Variants in EP300 observed in about 807,000 individuals in gnomAD.
EP300 encodes EP300 lysine acetyltransferase, also known as histone acetyltransferase p300.
Under a neutral mutation model 264.0 loss-of-function variants are expected in EP300, and 31 were observed. The observed-to-expected ratio is 0.12, with a 90% CI of 0.09 to 0.16. The LOEUF is 0.16. Among genes scored for constraint, EP300 ranks in the 10% least tolerant of loss-of-function variants. The pLI is 1.00. For missense variants in EP300, 2,766 were observed against 3,052.9 expected, an observed-to-expected ratio of 0.91 and a Z score of 2.21; for synonymous variants, 1,340 against 1,045.4, an observed-to-expected ratio of 1.28 and a Z score of -5.44.
Position 41,093,168 on chromosome 22 carries a change from CA to C in EP300, c.94+71del. The C allele has an allele frequency of 2.0e-6, 3 of 1,484,300 alleles. No individual in the cohort carries two copies. The East Asian group carries it at 6.8e-5, about 34-fold the overall frequency. The allele number at this position is 1,484,300 out of a possible 1,614,324, so 91.9% of individuals were successfully genotyped here. On this transcript the variant is annotated intron_variant, in intron 1 of 30. Coordinates refer to ENST00000263253, the MANE Select transcript of EP300 (RefSeq NM_001429.4). ...TCTACTCGGTGCGCCTTTATTCTTC[CA>C]TTTTTTTTTTCTTCCTCTCTCTCTA...
Position 41,117,726 on chromosome 22 carries a change from A to C in EP300, c.634A>C (p.Met212Leu). The C allele has an allele frequency of 6.2e-7, 1 of 1,614,244 alleles. No homozygotes were observed. The highest frequency in any genetic ancestry group is 8.5e-7 in the Non-Finnish European group (1 of 1,180,042). The change falls in exon 2 of 31, where the codon ATG becomes CTG. Residue 212 changes from methionine to leucine, a missense_variant. By Grantham distance (15) the Met-to-Leu change is conservative. Transcript: ENST00000263253. ...GAATATGCAGTACCCAAACCCAGGCATGGGAAGTGCTGGCAACTTACTGAC... is the reference window on the plus strand; with the variant it reads ...GAATATGCAGTACCCAAACCCAGGCCTGGGAAGTGCTGGCAACTTACTGAC... ...RQNMQYPNPG[M>L]GSAGNLLTEP...
Position 41,178,668 on chromosome 22 carries a change from G to A in EP300, c.6957G>A (p.Gln2319=), listed in dbSNP as rs1175084387. The change falls in exon 31 of 31, where the codon CAG becomes CAA. Residue 2319 remains glutamine, a synonymous_variant. Coordinates refer to ENST00000263253, the MANE Select transcript of EP300 (RefSeq NM_001429.4). The part of the protein sequence containing the change: ...SPQPVPSPRP[Q]SQPPHSSPSP... ...AGCCTGTCCCTTCTCCACGGCCACA[G>A]TCCCAGCCCCCCCACTCCAGTCCTT... The A allele has an allele frequency of 6.2e-7, 1 of 1,614,074 alleles. No individual in the cohort carries two copies. Among genetic ancestry groups the A allele is most frequent in the African/African-American group, 1.3e-5 (1 of 74,978 alleles).
chr22:41,178,528 G>A lies in EP300; in HGVS notation c.6817G>A (p.Val2273Ile), dbSNP rs776333635. The change falls in exon 31 of 31, where the codon GTT becomes ATT. Residue 2273 changes from valine to isoleucine, a missense_variant. Coordinates refer to ENST00000263253, the MANE Select transcript of EP300 (RefSeq NM_001429.4). ...RLLQQQMGSP[V>I]QPNPMSPQQH... ...CCTTCAGCAACAGATGGGGTCCCCT[G>A]TTCAGCCCAACCCCATGAGCCCCCA... 5.0e-6 allele frequency: 8 copies of A among 1,614,000 alleles called. No homozygotes were observed. The highest frequency in any genetic ancestry group is 1.3e-5 in the African/African-American group (1 of 74,986).
At chr22:41,107,841 C>T (rs887350316) in intron 1 of EP300, among the ~76,000 whole-genome samples, 1 of 152,112 alleles carries the variant, frequency 6.6e-6, no homozygotes, top group African/African-American at 2.4e-5. Context: ...GCTGGGATTA[C>T]AGGCATGTGC....
At chr22:41,106,172 A>C (rs1207319878) in intron 1 of EP300, among the ~76,000 whole-genome samples, 1 of 152,198 alleles carries the variant, frequency 6.6e-6, no homozygotes, top group East Asian at 1.9e-4. Flanking sequence ...AATTTGTAAA[A>C]TTTACAAAAT....
In EP300 at chr22:41,178,546, A is replaced by G. The variant is rs2059217534; in HGVS notation, c.6835A>G (p.Ser2279Gly). The part of the protein sequence containing the change: ...MGSPVQPNPM[S>G]PQQHMLPNQA... ...GTCCCCTGTTCAGCCCAACCCCATG[A>G]GCCCCCAGCAGCATATGCTCCCAAA... Residue 2279 changes from serine (S) to glycine (G), a missense_variant, in exon 31 of 31, where the codon AGC becomes GGC. Physicochemically the swap from Ser to Gly is moderately conservative, Grantham distance 56. Coordinates refer to ENST00000263253, the MANE Select transcript of EP300 (RefSeq NM_001429.4). The G allele has an allele frequency of 6.2e-7, 1 of 1,613,850 alleles. No homozygotes were observed. The highest frequency in any genetic ancestry group is 1.3e-5 in the African/African-American group (1 of 74,912).
Position 41,176,490 on chromosome 22 carries a change from C to G in EP300, c.5023C>G (p.His1675Asp), listed in dbSNP as rs2145513774. Residue 1675 changes from histidine to aspartate, a missense_variant, in exon 30 of 31, where the codon CAC becomes GAC. Transcript: ENST00000263253. Reference protein sequence around the residue: ...RFVYTCNECKHHVETRWHCTV... With the variant: ...RFVYTCNECKDHVETRWHCTV... Reference sequence around the variant, plus strand: ...TGTCTACACCTGCAATGAATGCAAGCACCATGTGGAGACACGCTGGCACTG... The same window carrying G: ...TGTCTACACCTGCAATGAATGCAAGGACCATGTGGAGACACGCTGGCACTG... 6.2e-7 allele frequency: 1 copy of G among 1,614,116 alleles called. No individual in the cohort carries two copies. Among genetic ancestry groups the G allele is most frequent in the Non-Finnish European group, 8.5e-7 (1 of 1,180,044 alleles).
intron 28 of EP300, among the ~76,000 whole-genome samples, chr22:41,172,885 G>A (rs567161015): frequency 2.0e-5 from 3 of 152,312 alleles, no homozygotes; most frequent in South Asian, 2.1e-4. Flanking sequence ...CAGACTTTGA[G>A]TAATGTGAAA....
chr22:41,177,221 G>C lies in EP300; in HGVS notation c.5510G>C (p.Arg1837Pro), dbSNP rs755471385. The change falls in exon 31 of 31, where the codon CGG becomes CCG. Residue 1837 changes from arginine (R) to proline (P), a missense_variant. Physicochemically the swap from Arg to Pro is moderately radical, Grantham distance 103. Coordinates refer to ENST00000263253, the MANE Select transcript of EP300 (RefSeq NM_001429.4). ...MLRRRMASMQ[R>P]TGVVGQQQGL... The stretch of plus-strand genomic sequence containing the variant: ...CGCAGGAGGATGGCCAGCATGCAGC[G>C]GACTGGTGTGGTTGGGCAGCAACAG... 1 of 1,613,944 alleles carries C rather than the reference G, an allele frequency of 6.2e-7. No individual in the cohort carries two copies. The highest frequency in any genetic ancestry group is 8.5e-7 in the Non-Finnish European group (1 of 1,180,020).
At chr22:41,140,527 C>T (rs568304065) in intron 9 of EP300, among the ~76,000 whole-genome samples, 3 of 152,118 alleles carry the variant, frequency 2.0e-5, no homozygotes, top group East Asian at 1.9e-4. Context: ...CTGAGCTGGC[C>T]GAGTGCAGTG....
chr22:41,179,870 T>TA lies in EP300; in HGVS notation c.*915dup, dbSNP rs2059231387. Reference sequence around the variant, plus strand: ...TTGCTTGCTTTCTTCCTCCTTACCCTACCCCCCACTCACACACACACACAC... The same window carrying TA: ...TTGCTTGCTTTCTTCCTCCTTACCCTAACCCCCCACTCACACACACACACAC... On this transcript the variant is annotated 3_prime_UTR_variant, in exon 31 of 31. Coordinates refer to ENST00000263253, the MANE Select transcript of EP300 (RefSeq NM_001429.4). The TA allele has an allele frequency of 2.4e-5, 4 of 167,944 alleles. No homozygotes were observed. Among genetic ancestry groups the TA allele is most frequent in the Admixed American group, 8.1e-5 (1 of 12,326 alleles). 10.4% of individuals were successfully genotyped at this position (167,944 alleles called of 1,614,324 possible). A position where few individuals can be genotyped will look rare whatever the true frequency, so the allele number is the denominator to read the frequency against.
chr22:41,169,367 T>C (rs2059157312), intron 25 of EP300, 136 bp from the exon 26 acceptor site: 2 of 696,672 alleles, frequency 2.9e-6, no homozygotes, highest in African/African-American at 3.5e-5. Context: ...CCTACCTGCC[T>C]GTGATGAGCT....
chr22:41,096,351 G>A (rs1463165227), intron 1 of EP300, among the ~76,000 whole-genome samples: 1 of 152,094 alleles, frequency 6.6e-6, no homozygotes, highest in Non-Finnish European at 1.5e-5. Context: ...TCACTGCTTG[G>A]TAAACGCTTA....
chr22:41,131,288 A>G (rs2058917670), intron 5 of EP300, 100 bp from the exon 6 acceptor site: 11 of 1,307,332 alleles, frequency 8.4e-6, no homozygotes, highest in Non-Finnish European at 1.1e-5. Flanking sequence ...ATGTTTCATA[A>G]TCACGTAACA....
chr22:41,168,791 A>G lies in EP300; in HGVS notation c.4096A>G (p.Ile1366Val), dbSNP rs1362394296. ...RTKALFAFEEIDGVDLCFFGM... is the reference protein window; with the variant it reads ...RTKALFAFEEVDGVDLCFFGM... ...CAAAGCCCTCTTTGCCTTTGAAGAA[A>G]TTGATGGTGTTGACCTGTGCTTCTT... Residue 1366 changes from isoleucine (I) to valine (V), a missense_variant, in exon 25 of 31, where the codon ATT (isoleucine) becomes GTT (valine). Physicochemically the swap from Ile to Val is conservative, Grantham distance 29. Transcript: ENST00000263253. The G allele has an allele frequency of 1.2e-6, 2 of 1,614,060 alleles. No individual in the cohort carries two copies. Among genetic ancestry groups the G allele is most frequent in the African/African-American group, 2.7e-5 (2 of 74,930 alleles).
intron 1 of EP300, among the ~76,000 whole-genome samples, chr22:41,107,520 G>T (rs1266270473): frequency 6.6e-6 from 1 of 151,958 alleles, no homozygotes; most frequent in Non-Finnish European, 1.5e-5. Flanking sequence ...TTGTGTCATA[G>T]TTAAGTAACT....
chr22:41,110,282 ATTTTTTTTTTTTTTTTTTTTTTTT>A (rs71200660), intron 1 of EP300, among the ~76,000 whole-genome samples: 4 of 48,222 alleles, frequency 8.3e-5, no homozygotes, highest in South Asian at 9.7e-4. Context: ...TATCCAGCTA[ATTTTTTTTTTTTTTTTTTTTTTTT>A]TTTTTTTTTT....
chr22:41,097,627 C>T (rs1305774344), intron 1 of EP300, among the ~76,000 whole-genome samples: 1 of 152,162 alleles, frequency 6.6e-6, no homozygotes, highest in African/African-American at 2.4e-5. Flanking sequence ...TCTGCCAATT[C>T]ATATACCCAG....
At chr22:41,100,476 A>G (rs1353599333) in intron 1 of EP300, among the ~76,000 whole-genome samples, 2 of 152,138 alleles carry the variant, frequency 1.3e-5, no homozygotes, top group East Asian at 3.9e-4. Flanking sequence ...CTTAAAATGG[A>G]AAAATACTGT....
Sources: gnomAD v4.1 joint callset for allele counts (sites outside exome capture counted in the v4.1 genomes callset) on GRCh38, gnomAD v4.1.1 for gene constraint, MANE v1.5 for transcripts, NCBI Gene and HGNC (gene_info 2026-07-23, HGNC 2026-07-21) for gene names.